The following CEMIP2 variants were observed in gnomAD, a reference collection of about 807,000 sequenced individuals.
CEMIP2 encodes cell surface hyaluronidase CEMIP2.
Under a neutral mutation model 146.9 loss-of-function variants are expected in CEMIP2, and 79 were observed. The ratio of observed to expected loss-of-function variants is 0.54; its 90% CI spans 0.45 to 0.65. The LOEUF is 0.65. Ranked by LOEUF, CEMIP2 falls within the 30% of genes least tolerant of loss-of-function variation. The pLI, the probability that CEMIP2 is intolerant of heterozygous loss-of-function variation, is 0.00. For synonymous variants in CEMIP2, 601 were observed against 606.3 expected (o/e 0.99, Z 0.13); for missense variants, 1,596 against 1,696.2 (o/e 0.94, Z 1.04).
At chr9:71,716,576 A>T in intron 13 of CEMIP2, 24 bp from the exon 14 acceptor site, 1 of 1,570,254 alleles carries the variant, frequency 6.4e-7, no homozygotes, top group Middle Eastern at 1.7e-4. Context: ...GAGAATGAAG[A>T]ACATTTTAAT....
At chr9:71,716,443 G>T in intron 14 of CEMIP2, 74 bp downstream of exon 14, 1 of 1,209,246 alleles carries the variant, frequency 8.3e-7, no homozygotes, top group Non-Finnish European at 1.2e-6. Context: ...ACATTCCTGT[G>T]TATTATCAGA....
chr9:71,761,563 A>T (rs1824638960), intron 1 of CEMIP2, among the ~76,000 whole-genome samples: 1 of 152,244 alleles, frequency 6.6e-6, no homozygotes, highest in Admixed American at 6.5e-5. Flanking sequence ...ACCCAAGTTG[A>T]CTATTTCTTT....
chr9:71,741,569 C>T (rs1007695449), intron 4 of CEMIP2, among the ~76,000 whole-genome samples: 7 of 149,424 alleles, frequency 4.7e-5, no homozygotes, highest in African/African-American at 1.5e-4. Context: ...ATTTTATATA[C>T]TATATGTCTA....
At chr9:71,759,203 A>G (rs1383747170) in intron 1 of CEMIP2, among the ~76,000 whole-genome samples, 1 of 152,180 alleles carries the variant, frequency 6.6e-6, no homozygotes, top group Non-Finnish European at 1.5e-5. Context: ...ATTTAGACAC[A>G]TATAAGTGAT....
In CEMIP2 at chr9:71,746,310, C is replaced by T. The variant is rs1465288276; in HGVS notation, c.363G>A (p.Arg121=). ...CAGAATCTTGTCCTGGATCCCAATTCCTGAGACGAGGATTTTGATCTGGGC... is the reference window on the plus strand; with the variant it reads ...CAGAATCTTGTCCTGGATCCCAATTTCTGAGACGAGGATTTTGATCTGGGC... ...ENCPDQNPRL[R]NWDPGQDSAK... The change falls in exon 3 of 24, where the codon AGG becomes AGA. Residue 121 remains arginine (R), a synonymous_variant. Transcript: ENST00000377044. 6.2e-7 allele frequency: 1 copy of T among 1,613,902 alleles called. No homozygotes were observed. The highest frequency in any genetic ancestry group is 8.5e-7 in the Non-Finnish European group (1 of 1,179,874).
intron 17 of CEMIP2, among the ~76,000 whole-genome samples, chr9:71,705,139 A>G (rs961012584): frequency 1.3e-5 from 2 of 152,200 alleles, no homozygotes; most frequent in African/African-American, 4.8e-5. Flanking sequence ...CATACAAAAA[A>G]AAATTAGTAA....
rs1272556584 is a variant in CEMIP2, at chr9:71,684,448, T to A, written c.*749A>T. 1 of 152,510 alleles carries A rather than the reference T, an allele frequency of 6.6e-6. No individual in the cohort carries two copies. The highest frequency in any genetic ancestry group is 1.9e-4 in the East Asian group (1 of 5,192). The allele number at this position is 152,510 out of a possible 1,614,324, so 9.4% of individuals were successfully genotyped here. On this transcript the variant is annotated 3_prime_UTR_variant, in exon 24 of 24. Transcript: ENST00000377044. Reference sequence around the variant, plus strand: ...CTGCATTTTAAACACAAATATACAGTCAAAAGAGGCTAAGGATTAAAGCTG... The same window carrying A: ...CTGCATTTTAAACACAAATATACAGACAAAAGAGGCTAAGGATTAAAGCTG...
At chr9:71,694,279 T>A (rs968073045) in intron 21 of CEMIP2, among the ~76,000 whole-genome samples, 1 of 151,866 alleles carries the variant, frequency 6.6e-6, no homozygotes, top group African/African-American at 2.4e-5. Context: ...CCCACCCGCC[T>A]CTACGCCCAG....
At chr9:71,725,528 C>A in intron 11 of CEMIP2, 53 bp downstream of exon 11, 1 of 1,557,938 alleles carries the variant, frequency 6.4e-7, no homozygotes, top group Non-Finnish European at 8.7e-7. Context: ...CACAATAGTT[C>A]ATCCTTTACA....
chr9:71,734,208 G>GGTTTTTTTTTTTTT (rs374206725), intron 6 of CEMIP2, among the ~76,000 whole-genome samples: 7 of 144,134 alleles, frequency 4.9e-5, no homozygotes, highest in Non-Finnish European at 4.7e-5. Context: ...ATGAGTTTTT[G>GGTTTTTTTTTTTTT]TTTTTGTTTT....
chr9:71,689,688 A>G (rs1822170328), intron 22 of CEMIP2, among the ~76,000 whole-genome samples: 1 of 152,224 alleles, frequency 6.6e-6, no homozygotes. Flanking sequence ...AAATCACTTC[A>G]AAATAGTAAT....
At chr9:71,685,937 T>C in intron 22 of CEMIP2, 91 bp from the exon 23 acceptor site, 3 of 854,272 alleles carry the variant, frequency 3.5e-6, no homozygotes, top group South Asian at 1.6e-5. Flanking sequence ...GACTGCTGAA[T>C]AGAAATATTA....
rs760350137 is a variant in CEMIP2, at chr9:71,745,081, T to C, written c.971A>G (p.Gln324Arg). The C allele has an allele frequency of 1.2e-6, 2 of 1,614,076 alleles. No individual in the cohort carries two copies. Among genetic ancestry groups the C allele is most frequent in the African/African-American group, 2.7e-5 (2 of 74,924 alleles). The stretch of plus-strand genomic sequence containing the variant: ...TTCCTGGATCATCTGGATGGTTCCT[T>C]GTAAGAGACTTTTAGCGGCTGAATC... ...VGDSAAKSLL[Q>R]GTIQMIQERL... Residue 324 changes from glutamine (Q) to arginine (R), a missense_variant, in exon 4 of 24, where the codon CAA (glutamine) becomes CGA (arginine). Coordinates refer to ENST00000377044, the MANE Select transcript of CEMIP2 (RefSeq NM_013390.3).
chr9:71,700,530 A>G, intron 19 of CEMIP2, 112 bp downstream of exon 19: 1 of 1,097,130 alleles, frequency 9.1e-7, no homozygotes, highest in African/African-American at 1.6e-5. Context: ...AGATGTGCAG[A>G]GAATTACCCA....
intron 10 of CEMIP2, among the ~76,000 whole-genome samples, chr9:71,728,864 C>T (rs1175401132): frequency 1.3e-5 from 2 of 151,708 alleles, no homozygotes; most frequent in African/African-American, 4.9e-5. Flanking sequence ...CGGGGTCTCA[C>T]TCTGTTACCC....
rs1225957908 is a variant in CEMIP2, at chr9:71,745,519, TAATG to T, written c.529_532del (p.His177ThrfsTer3). 6.2e-7 allele frequency: 1 copy of T among 1,613,498 alleles called. No homozygotes were observed. The highest frequency in any genetic ancestry group is 1.3e-5 in the African/African-American group (1 of 74,920). The stretch of plus-strand genomic sequence containing the variant: ...CGCCCCACCATCCTGGATCAGGATG[TAATG>T]AGTCCTCAAAGTAATATTTCTGGAT... On this transcript the variant is annotated frameshift_variant, in exon 4 of 24. Transcript: ENST00000377044. LOFTEE classifies it high-confidence loss of function.
chr9:71,689,587 C>G (rs1822167226), intron 22 of CEMIP2, among the ~76,000 whole-genome samples: 2 of 152,318 alleles, frequency 1.3e-5, no homozygotes, highest in African/African-American at 2.4e-5. Context: ...TTCCAAGTGA[C>G]CCAGGTGATG....
At chr9:71,767,785 C>A (rs925808175) in intron 1 of CEMIP2, among the ~76,000 whole-genome samples, 1 of 152,176 alleles carries the variant, frequency 6.6e-6, no homozygotes, top group Non-Finnish European at 1.5e-5. Flanking sequence ...GATTTTAAAG[C>A]CTCACCTTAC....
chr9:71,728,269 A>ACG (rs1564012344), intron 10 of CEMIP2, among the ~76,000 whole-genome samples: 215 of 15,080 alleles, frequency 0.014, 36 homozygotes, highest in Middle Eastern at 0.029. Flanking sequence ...ACGTATATAT[A>ACG]TATATATATA....
Sources: gnomAD v4.1 joint callset for allele counts (sites outside exome capture counted in the v4.1 genomes callset) on GRCh38, gnomAD v4.1.1 for gene constraint, MANE v1.5 for transcripts, NCBI Gene and HGNC (gene_info 2026-07-23, HGNC 2026-07-21) for gene names.